NXN: variants seen among roughly 807,000 people sequenced by gnomAD.
NXN encodes nucleoredoxin, also known as nucleoredoxin 1.
NXN carries 16 observed loss-of-function variants against 48.6 expected under a neutral mutation model. That is an observed-to-expected ratio of 0.33 (90% CI 0.22 to 0.50). The LOEUF (loss-of-function observed/expected upper bound fraction) is 0.50. NXN is among the 20% of genes least tolerant of loss of function. NXN has a pLI of 0.98. For missense variants in NXN, 492 were observed against 605.5 expected, an observed-to-expected ratio of 0.81 and a Z score of 1.97; for synonymous variants, 281 against 269.6, an observed-to-expected ratio of 1.04 and a Z score of -0.41.
At chr17:857,923 C>T (rs561316199) in intron 1 of NXN, among the ~76,000 whole-genome samples, 25 of 151,990 alleles carry the variant, frequency 1.6e-4, no homozygotes, top group Admixed American at 1.3e-3. Context: ...AAATTACTAA[C>T]GTTTCTCTAA....
At chr17:975,308 A>G (rs558036546) in intron 1 of NXN, among the ~76,000 whole-genome samples, 1 of 152,350 alleles carries the variant, frequency 6.6e-6, no homozygotes, top group South Asian at 2.1e-4. Context: ...CAAAGAAAAG[A>G]TACAGTGGTG....
chr17:890,662 T>C (rs2068406964), intron 1 of NXN, among the ~76,000 whole-genome samples: 1 of 152,244 alleles, frequency 6.6e-6, no homozygotes, highest in East Asian at 1.9e-4. Flanking sequence ...ATTACAGGCA[T>C]GAGCCACCGC....
chr17:811,545 C>G (rs963450773), intron 5 of NXN, among the ~76,000 whole-genome samples: 2 of 152,080 alleles, frequency 1.3e-5, no homozygotes, highest in African/African-American at 4.8e-5. Flanking sequence ...CAGTTATTCC[C>G]ACGAGACCAG....
intron 1 of NXN, among the ~76,000 whole-genome samples, chr17:843,089 CAG>C (rs1399393689): frequency 6.6e-6 from 1 of 151,968 alleles, no homozygotes; most frequent in Middle Eastern, 3.2e-3. Context: ...GCTGCACCTT[CAG>C]ACTGAAGTCA....
chr17:933,356 T>A (rs540592367), intron 1 of NXN: 2 of 152,034 alleles, frequency 1.3e-5, no homozygotes, highest in Admixed American at 1.3e-4. Context: ...GAGAAAGCAC[T>A]CGAGACAGGA....
Position 853,723 on chromosome 17 carries a change from A to ATATT in NXN, c.361-27646_361-27645insAATA, listed in dbSNP as rs1491528474. ...TACACATATATATATATATATATAT[A>ATATT]TTTTTTTTTTTTTTTCCAAGACGGA... On this transcript the variant is annotated intron_variant, in intron 1 of 7. Coordinates refer to ENST00000336868, the MANE Select transcript of NXN (RefSeq NM_022463.5). Among the ~76,000 whole-genome samples, 261 of 105,956 alleles carry ATATT rather than the reference A, an allele frequency of 2.5e-3. 3 individuals are homozygous for ATATT. Among genetic ancestry groups the ATATT allele is most frequent in the African/African-American group, 9.7e-3 (226 of 23,222 alleles). 69.5% of individuals were successfully genotyped at this position (105,956 alleles called of 152,430 possible).
chr17:854,188 G>C (rs146758970), intron 1 of NXN, among the ~76,000 whole-genome samples: 2 of 152,276 alleles, frequency 1.3e-5, no homozygotes, highest in Non-Finnish European at 2.9e-5. Context: ...AATGAATCTG[G>C]AATAGCTGCT....
At chr17:972,753 C>A (rs901826619) in intron 1 of NXN, among the ~76,000 whole-genome samples, 1 of 152,192 alleles carries the variant, frequency 6.6e-6, no homozygotes, top group Non-Finnish European at 1.5e-5. Context: ...GAATCAGGGC[C>A]GGGTGCGGTG....
intron 1 of NXN, among the ~76,000 whole-genome samples, chr17:942,430 T>C (rs370787293): frequency 4.3e-3 from 145 of 33,930 alleles, no homozygotes; most frequent in South Asian, 7.2e-3. Context: ...CCACACACCT[T>C]CCTGGATTTA....
intron 1 of NXN, among the ~76,000 whole-genome samples, chr17:963,939 T>A (rs2069270639): frequency 1.4e-5 from 2 of 139,290 alleles, no homozygotes; most frequent in Admixed American, 1.4e-4. Flanking sequence ...CAGCCGGGCG[T>A]GGTGGCGGGC....
At chr17:878,552 G>A (rs1021372094) in intron 1 of NXN, among the ~76,000 whole-genome samples, 5 of 151,674 alleles carry the variant, frequency 3.3e-5, no homozygotes, top group Middle Eastern at 3.4e-3. Context: ...TGAAGTCCAC[G>A]CCAGGGAGTT....
At chr17:900,137 T>G (rs2068523728) in intron 1 of NXN, among the ~76,000 whole-genome samples, 1 of 151,932 alleles carries the variant, frequency 6.6e-6, no homozygotes, top group South Asian at 2.1e-4. Flanking sequence ...TGGTGGCGCA[T>G]GCCTGAAATC....
At chr17:879,247 A>T (rs1360639798) in intron 1 of NXN, among the ~76,000 whole-genome samples, 2 of 149,804 alleles carry the variant, frequency 1.3e-5, no homozygotes, top group African/African-American at 2.4e-5. Flanking sequence ...CAGGGAAAGG[A>T]ATCTGGGTTT....
chr17:906,737 T>TA (rs1044008369), intron 1 of NXN, among the ~76,000 whole-genome samples: 1 of 150,930 alleles, frequency 6.6e-6, no homozygotes, highest in Non-Finnish European at 1.5e-5. Flanking sequence ...CGGACAACTT[T>TA]TTTTTTTTTT....
At chr17:904,935 C>A (rs1431790945) in intron 1 of NXN, among the ~76,000 whole-genome samples, 2 of 152,082 alleles carry the variant, frequency 1.3e-5, no homozygotes, top group African/African-American at 4.8e-5. Context: ...AAGGGTTTGG[C>A]AAAGCCCCCT....
At chr17:833,510 C>G (rs141523354) in intron 1 of NXN, among the ~76,000 whole-genome samples, 3 of 152,090 alleles carry the variant, frequency 2.0e-5, no homozygotes, top group African/African-American at 7.2e-5. Context: ...AGGGGCCCCT[C>G]GAGTCCACCA....
chr17:922,903 C>T (rs1396647089), intron 1 of NXN, among the ~76,000 whole-genome samples: 4 of 151,972 alleles, frequency 2.6e-5, no homozygotes, highest in Admixed American at 1.3e-4. Context: ...CACCTGCCTT[C>T]GGCCTCCCAA....
rs1179336674 is a variant in NXN, at chr17:803,694, G to A, written c.1113C>T (p.Phe371=). ...CCTCCGCACTCACCTCCCCGGCTAC[G>A]AAGAACAGAAGGGGTGCCTCCTCCT... ...AKEEEAPLLF[F]VAGEDDMTDS... The change falls in exon 7 of 8, where the codon TTC becomes TTT. Residue 371 remains phenylalanine, a synonymous_variant. Coordinates refer to ENST00000336868, the MANE Select transcript of NXN (RefSeq NM_022463.5). 15 of 1,614,064 alleles carry A rather than the reference G, an allele frequency of 9.3e-6. No homozygotes were observed. Among genetic ancestry groups the A allele is most frequent in the Non-Finnish European group, 1.1e-5 (13 of 1,180,050 alleles).
chr17:962,060 G>A (rs1033345640), intron 1 of NXN, among the ~76,000 whole-genome samples: 1 of 152,096 alleles, frequency 6.6e-6, no homozygotes, highest in Non-Finnish European at 1.5e-5. Context: ...ACTTGAACCC[G>A]GGAGGTGGAG....
Sources: gnomAD v4.1 joint callset for allele counts (sites outside exome capture counted in the v4.1 genomes callset) on GRCh38, gnomAD v4.1.1 for gene constraint, MANE v1.5 for transcripts, NCBI Gene and HGNC (gene_info 2026-07-23, HGNC 2026-07-21) for gene names.